KCNK15: variants seen among roughly 807,000 people sequenced by gnomAD.
KCNK15 encodes the protein potassium channel subfamily K member 15.
In KCNK15, 9 loss-of-function variants were observed where a neutral mutation model predicts 8.5. The observed-to-expected ratio is 1.06, with a 90% CI of 0.64 to 1.85. The LOEUF (loss-of-function observed/expected upper bound fraction) is 1.85. Among genes scored for constraint, KCNK15 ranks in the 40% most tolerant of loss-of-function variants. The probability of loss-of-function intolerance (pLI) is 0.00; values close to 1 mark genes in which losing one functional copy is unlikely to be tolerated. For synonymous variants in KCNK15, 224 were observed against 232.7 expected (o/e 0.96, Z 0.34); for missense variants, 467 against 476.8 (o/e 0.98, Z 0.19).
At chr20:44,746,468 C>T (rs935745351) in intron 1 of KCNK15, among the ~76,000 whole-genome samples, 1 of 152,194 alleles carries the variant, frequency 6.6e-6, no homozygotes, top group Admixed American at 6.5e-5. Flanking sequence ...GCTCAGAAAA[C>T]GTCCAAGGGG....
Position 44,750,904 on chromosome 20 carries a change from TC to T in KCNK15, c.*70del. Reference sequence around the variant, plus strand: ...TCTGGCTTCAGCTATCAGGGCACCCTCCCCAGGGATTGGAAACGGATGACGG... The same window carrying T: ...TCTGGCTTCAGCTATCAGGGCACCCTCCCAGGGATTGGAAACGGATGACGG... On this transcript the variant is annotated 3_prime_UTR_variant, in exon 2 of 2. Transcript: ENST00000372861. 8.9e-7 allele frequency: 1 copy of T among 1,122,882 alleles called. No individual in the cohort carries two copies. Among genetic ancestry groups the T allele is most frequent in the Non-Finnish European group, 1.2e-6 (1 of 860,508 alleles). The allele number at this position is 1,122,882 out of a possible 1,614,324, so 69.6% of individuals were successfully genotyped here. A position where few individuals can be genotyped will look rare whatever the true frequency, so the allele number is the denominator to read the frequency against.
intron 1 of KCNK15, 82 bp downstream of exon 1, chr20:44,746,275 C>T (rs891749247): frequency 3.2e-6 from 4 of 1,242,124 alleles, no homozygotes; most frequent in East Asian, 3.0e-5. Context: ...CCCACCTCTG[C>T]CCCCGCCCAG....
Position 44,746,039 on chromosome 20 carries a change from G to C in KCNK15, c.129G>C (p.Gln43His). Residue 43 changes from glutamine (Q) to histidine (H), a missense_variant, in exon 1 of 2, where the codon CAG (glutamine) becomes CAC (histidine). Transcript: ENST00000372861. ...AESGRQRLLV[Q>H]KRGALRRKFG... ...GCGGCCGCCAGCGACTGCTGGTCCAGAAGCGGGGCGCTCTCCGGAGGAAGT... is the reference window on the plus strand; with the variant it reads ...GCGGCCGCCAGCGACTGCTGGTCCACAAGCGGGGCGCTCTCCGGAGGAAGT... 1 of 1,546,716 alleles carries C rather than the reference G, an allele frequency of 6.5e-7. No homozygotes were observed. Among genetic ancestry groups the C allele is most frequent in the Non-Finnish European group, 8.7e-7 (1 of 1,146,222 alleles).
rs369120126 is a variant in KCNK15 at position 44,750,605 on chromosome 20, C to G, written c.760C>G (p.Pro254Ala). The change falls in exon 2 of 2, where the codon CCC (proline) becomes GCC (alanine). Residue 254 changes from proline to alanine, a missense_variant. Coordinates refer to ENST00000372861, the MANE Select transcript of KCNK15 (RefSeq NM_022358.4). ...LRFLVASADWPERAARTPSPR... is the reference protein window; with the variant it reads ...LRFLVASADWAERAARTPSPR... ...CTTCCTCGTTGCCAGCGCCGACTGGCCCGAGCGCGCTGCCCGCACCCCCAG... is the reference window on the plus strand; with the variant it reads ...CTTCCTCGTTGCCAGCGCCGACTGGGCCGAGCGCGCTGCCCGCACCCCCAG... 20 of 1,603,470 alleles carry G rather than the reference C, an allele frequency of 1.2e-5. No individual in the cohort carries two copies. The African/African-American group carries it at 1.6e-4, about 13-fold the overall frequency.
rs571388655 is a variant in KCNK15, at chr20:44,749,227, G to A, written c.284-902G>A. On this transcript the variant is annotated intron_variant, in intron 1 of 1. Coordinates refer to ENST00000372861, the MANE Select transcript of KCNK15 (RefSeq NM_022358.4). The stretch of plus-strand genomic sequence containing the variant: ...TCTTCTTGGCCTCCTGACTCTTCCT[G>A]GCGTACAGGCTCCTTTGAGAATACC... Among the ~76,000 whole-genome samples, 26 of 152,242 alleles carry A rather than the reference G, an allele frequency of 1.7e-4. No homozygotes were observed. The South Asian group carries it at 5.2e-3, about 30-fold the overall frequency.
chr20:44,747,626 C>T (rs188381517), intron 1 of KCNK15, among the ~76,000 whole-genome samples: 128 of 152,286 alleles, frequency 8.4e-4, no homozygotes, highest in Admixed American at 2.4e-3. Context: ...CTCTGAGGTA[C>T]GTCTGGGAGG....
At chr20:44,746,400 G>T (rs2066008270) in intron 1 of KCNK15, among the ~76,000 whole-genome samples, 1 of 152,192 alleles carries the variant, frequency 6.6e-6, no homozygotes, top group African/African-American at 2.4e-5. Context: ...GTCAGCCCAC[G>T]CAGGCAGGGA....
chr20:44,746,032 T>C lies in KCNK15; in HGVS notation c.122T>C (p.Leu41Pro). The C allele has an allele frequency of 6.5e-7, 1 of 1,540,400 alleles. No individual in the cohort carries two copies. The highest frequency in any genetic ancestry group is 8.7e-7 in the Non-Finnish European group (1 of 1,143,634). ...GCGGAAAGCGGCCGCCAGCGACTGC[T>C]GGTCCAGAAGCGGGGCGCTCTCCGG... ...SEAESGRQRL[L>P]VQKRGALRRK... is the part of the protein sequence containing the mutation. The change falls in exon 1 of 2, where the codon CTG becomes CCG. Residue 41 changes from leucine to proline, a missense_variant. Around this residue, in one of 2 missense-constraint regions of KCNK15, gnomAD observed 455 missense variants for 441.2 expected, o/e 1.03. Coordinates refer to ENST00000372861, the MANE Select transcript of KCNK15 (RefSeq NM_022358.4).
rs2066029659 is a variant in KCNK15, at chr20:44,751,015, A to G, written c.*177A>G. The G allele has an allele frequency of 4.3e-6, 2 of 460,364 alleles. No individual in the cohort carries two copies. The highest frequency in any genetic ancestry group is 7.5e-6 in the Non-Finnish European group (2 of 268,344). The allele number at this position is 460,364 out of a possible 1,614,324, so 28.5% of individuals were successfully genotyped here. ...TCCCTCCTTTCCAAAAATATATTAC[A>G]GTCACACCATAAGCACAAACCAGGC... On this transcript the variant is annotated 3_prime_UTR_variant, in exon 2 of 2. Transcript: ENST00000372861.
At chr20:44,746,311 C>G in intron 1 of KCNK15, 118 bp downstream of exon 1, 1 of 944,638 alleles carries the variant, frequency 1.1e-6, no homozygotes. Context: ...CGGGTCATTT[C>G]GGCTCACCGA....
At position 44,750,853 on chromosome 20, in the gene KCNK15, C is replaced by A. The variant is rs1164731901; in HGVS notation, c.*15C>A. 3 of 1,378,556 alleles carry A rather than the reference C, an allele frequency of 2.2e-6. No individual in the cohort carries two copies. Among genetic ancestry groups the A allele is most frequent in the African/African-American group, 3.0e-5 (2 of 66,420 alleles). 85.4% of individuals were successfully genotyped at this position (1,378,556 alleles called of 1,614,324 possible). A position where few individuals can be genotyped will look rare whatever the true frequency, so the allele number is the denominator to read the frequency against. On this transcript the variant is annotated 3_prime_UTR_variant, in exon 2 of 2. Coordinates refer to ENST00000372861, the MANE Select transcript of KCNK15 (RefSeq NM_022358.4). ...AGTCCATCTGACAACCCCACCCAGG[C>A]CAGGGTCGAATCTGGAATGGGAGGG...
chr20:44,747,471 C>A (rs183981861), intron 1 of KCNK15, among the ~76,000 whole-genome samples: 53 of 152,358 alleles, frequency 3.5e-4, no homozygotes, highest in Admixed American at 2.9e-3. Flanking sequence ...ACATGGACAC[C>A]CCTGCTTCCT....
chr20:44,746,273 T>C (rs1053163389), intron 1 of KCNK15, 80 bp downstream of exon 1: 1 of 1,252,998 alleles, frequency 8.0e-7, no homozygotes, highest in African/African-American at 1.6e-5. Flanking sequence ...GTCCCACCTC[T>C]GCCCCCGCCC....
intron 1 of KCNK15, among the ~76,000 whole-genome samples, chr20:44,747,889 A>G (rs932082622): frequency 1.3e-5 from 2 of 151,292 alleles, no homozygotes; most frequent in Non-Finnish European, 2.9e-5. Flanking sequence ...TTAATAGTTC[A>G]GGCCCATGGA....
At position 44,750,748 on chromosome 20, in the gene KCNK15, C is replaced by T. The variant is rs374466555; in HGVS notation, c.903C>T (p.Arg301=). 2.6e-6 allele frequency: 4 copies of T among 1,519,478 alleles called. No homozygotes were observed. Among genetic ancestry groups the T allele is most frequent in the African/African-American group, 1.4e-5 (1 of 71,374 alleles). The allele number at this position is 1,519,478 out of a possible 1,614,324, so 94.1% of individuals were successfully genotyped here. ...TGCACAAGCTGGAGAGGTGCGCCCG[C>T]GACAACCTGGGCTTTTCGCCCCCCT... ...CHVHKLERCA[R]DNLGFSPPSS... The change falls in exon 2 of 2, where the codon CGC becomes CGT. Residue 301 remains arginine, a synonymous_variant. Coordinates refer to ENST00000372861, the MANE Select transcript of KCNK15 (RefSeq NM_022358.4).
At chr20:44,747,124 T>G (rs1423324803) in intron 1 of KCNK15, 1 of 152,240 alleles carries the variant, frequency 6.6e-6, no homozygotes, top group African/African-American at 2.4e-5. Context: ...TGGAGAAAGT[T>G]TCCCCATAAT....
intron 1 of KCNK15, 34 bp from the exon 2 acceptor site, chr20:44,750,095 G>A: frequency 1.3e-6 from 2 of 1,548,126 alleles, no homozygotes; most frequent in East Asian, 4.5e-5. Flanking sequence ...GGAGCTGGGC[G>A]CTCACAGCCC....
chr20:44,750,767 C>T lies in KCNK15; in HGVS notation c.922C>T (p.Pro308Ser), dbSNP rs930711096. 2.2e-5 allele frequency: 34 copies of T among 1,511,650 alleles called. No individual in the cohort carries two copies. Among genetic ancestry groups the T allele is most frequent in the Non-Finnish European group, 2.7e-5 (31 of 1,135,142 alleles). 93.6% of individuals were successfully genotyped at this position (1,511,650 alleles called of 1,614,324 possible). ...RCARDNLGFS[P>S]PSSPGVVRGG... is the part of the protein sequence containing the mutation. ...CGCCCGCGACAACCTGGGCTTTTCG[C>T]CCCCCTCGAGCCCGGGGGTCGTGCG... is the stretch of plus-strand genomic sequence containing the variant. The change falls in exon 2 of 2, where the codon CCC becomes TCC. Residue 308 changes from proline to serine, a missense_variant. Pro to Ser is a moderately conservative substitution (Grantham distance 74, BLOSUM62 -1). Transcript: ENST00000372861.
In KCNK15 at chr20:44,750,628, C is replaced by CA; in HGVS notation, c.784dup (p.Ser262LysfsTer100). Reference sequence around the variant, plus strand: ...GGCCCGAGCGCGCTGCCCGCACCCCCAGCCCGCGCCCCCCGGGGGCGCCCG... The same window carrying CA: ...GGCCCGAGCGCGCTGCCCGCACCCCCAAGCCCGCGCCCCCCGGGGGCGCCCG... On this transcript the variant is annotated frameshift_variant, in exon 2 of 2. Transcript: ENST00000372861. LOFTEE classifies it low-confidence loss of function (END_TRUNC). 1 of 1,586,178 alleles carries CA rather than the reference C, an allele frequency of 6.3e-7. No individual in the cohort carries two copies. Among genetic ancestry groups the CA allele is most frequent in the African/African-American group, 1.3e-5 (1 of 74,096 alleles).
Sources: allele counts gnomAD v4.1 joint callset (sites outside exome capture counted in the v4.1 genomes callset), GRCh38; gene constraint gnomAD v4.1.1; regional missense constraint gnomAD v4.1.1; transcripts MANE v1.5; gene names NCBI Gene and HGNC (gene_info 2026-07-23, HGNC 2026-07-21).